IFT80: variants seen among roughly 807,000 people sequenced by gnomAD.
IFT80 encodes intraflagellar transport protein 80 homolog.
IFT80 carries 79 observed loss-of-function variants against 107.9 expected under a neutral mutation model. The observed-to-expected ratio is 0.73, with a 90% CI of 0.61 to 0.88. The LOEUF (loss-of-function observed/expected upper bound fraction) is 0.88. Ranked by LOEUF, IFT80 falls within the 40% of genes least tolerant of loss-of-function variation. IFT80 has a pLI of 0.00. For missense variants in IFT80, 797 were observed against 914.2 expected (o/e 0.87, Z 1.65); for synonymous variants, 299 against 300.9 (o/e 0.99, Z 0.07).
intron 1 of IFT80, among the ~76,000 whole-genome samples, chr3:160,387,234 G>A (rs1451002070): frequency 2.0e-5 from 3 of 152,220 alleles, no homozygotes; most frequent in East Asian, 1.9e-4. Flanking sequence ...GGCCGGGTGC[G>A]GTGGCTCACG....
chr3:160,338,288 C>T, intron 8 of IFT80, among the ~76,000 whole-genome samples: 1 of 152,150 alleles, frequency 6.6e-6, no homozygotes, highest in Non-Finnish European at 1.5e-5. Context: ...CCCCCATTGG[C>T]CTGGCACCAA....
intron 5 of IFT80, 29 bp from the exon 6 acceptor site, chr3:160,366,181 G>C (rs1003995667): frequency 8.1e-6 from 12 of 1,473,822 alleles, no homozygotes; most frequent in South Asian, 1.1e-5. Flanking sequence ...AAAAAAAAAG[G>C]CTGATAAACT....
At chr3:160,285,973 G>T (rs1362736226) in intron 12 of IFT80, 105 bp from the exon 13 acceptor site, 1 of 753,446 alleles carries the variant, frequency 1.3e-6, no homozygotes, top group African/African-American at 1.8e-5. Context: ...TAACTCTCTA[G>T]ACCACAGAGA....
intron 6 of IFT80, among the ~76,000 whole-genome samples, chr3:160,359,139 A>G (rs1327494710): frequency 6.6e-6 from 1 of 152,196 alleles, no homozygotes; most frequent in Non-Finnish European, 1.5e-5. Context: ...CAGCTGCTTT[A>G]GTCTCCCAAA....
chr3:160,388,412 C>T lies in IFT80; in HGVS notation c.-46-3766G>A, dbSNP rs545068696. Among the ~76,000 whole-genome samples the T allele has an allele frequency of 4.6e-5, 7 of 151,600 alleles. No individual in the cohort carries two copies. In the East Asian group the frequency reaches 1.4e-3, roughly 29 times the overall value. On this transcript the variant is annotated intron_variant, in intron 1 of 19. Transcript: ENST00000326448. ...AAGAAAAGTACAGAAAAATATCCCTCAGGAGCAAAAATGTGGAAAGCCTTA... is the reference window on the plus strand; with the variant it reads ...AAGAAAAGTACAGAAAAATATCCCTTAGGAGCAAAAATGTGGAAAGCCTTA...
At chr3:160,292,535 AGTGGCG>A (rs1347118547) in intron 12 of IFT80, among the ~76,000 whole-genome samples, 1 of 138,886 alleles carries the variant, frequency 7.2e-6, no homozygotes, top group Non-Finnish European at 1.5e-5. Flanking sequence ...GCTGGAGTGC[AGTGGCG>A]CGATCTCAGC....
intron 18 of IFT80, among the ~76,000 whole-genome samples, chr3:160,269,893 C>G (rs1238219723): frequency 1.3e-5 from 2 of 152,208 alleles, no homozygotes; most frequent in African/African-American, 4.8e-5. Flanking sequence ...TTTATCAGAG[C>G]CAACTATTAT....
intron 18 of IFT80, among the ~76,000 whole-genome samples, chr3:160,270,329 A>C (rs1713700173): frequency 6.6e-6 from 1 of 152,212 alleles, no homozygotes; most frequent in South Asian, 2.1e-4. Context: ...ATCAAACTAA[A>C]TAGTCACTTT....
intron 6 of IFT80, among the ~76,000 whole-genome samples, chr3:160,365,834 A>C (rs1721824723): frequency 6.6e-6 from 1 of 152,116 alleles, no homozygotes; most frequent in Non-Finnish European, 1.5e-5. Context: ...ATGCTGTATC[A>C]TTATCAAAAT....
In IFT80 at chr3:160,288,905, C is replaced by T. The variant is rs1025328659; in HGVS notation, c.1316-3037G>A. On this transcript the variant is annotated intron_variant, in intron 12 of 19. Coordinates refer to ENST00000326448, the MANE Select transcript of IFT80 (RefSeq NM_020800.3). ...ATTGTGGAGAGGAGTGTGGCAATTC[C>T]TGAAAGAGCTAAAAACAGAACTACC... Among the ~76,000 whole-genome samples the T allele has an allele frequency of 2.0e-5, 3 of 152,212 alleles. No homozygotes were observed. In the South Asian group the frequency reaches 6.2e-4, roughly 32 times the overall value.
chr3:160,324,863 C>T (rs1451952371), intron 8 of IFT80, among the ~76,000 whole-genome samples: 279 of 151,962 alleles, frequency 1.8e-3, no homozygotes, highest in African/African-American at 6.5e-3. Context: ...GACGACATGA[C>T]TGTATATCTA....
At position 160,353,489 on chromosome 3, in the gene IFT80, A is replaced by G. The variant is rs183598791; in HGVS notation, c.777+2524T>C. On this transcript the variant is annotated intron_variant, in intron 8 of 19. Transcript: ENST00000326448. ...ACTTTAGTCCATCTATCTTTTCTGT[A>G]TTATCTCCTGGTATTATGCCATGAA... is the stretch of plus-strand genomic sequence containing the variant. 1.6e-3 allele frequency among the ~76,000 whole-genome samples: 239 copies of G among 152,312 alleles called. 1 individual carries two copies. The highest frequency in any genetic ancestry group is 5.2e-3 in the African/African-American group (216 of 41,572).
chr3:160,317,832 C>T lies in IFT80; in HGVS notation c.957+1928G>A, dbSNP rs573233022. ...GACAGAAAACAGAGATAGAAGGGGACTCTTCAGACCAAAAGAGACTTAAAA... is the reference window on the plus strand; with the variant it reads ...GACAGAAAACAGAGATAGAAGGGGATTCTTCAGACCAAAAGAGACTTAAAA... On this transcript the variant is annotated intron_variant, in intron 9 of 19. Transcript: ENST00000326448. Among the ~76,000 whole-genome samples, 128 of 152,100 alleles carry T rather than the reference C, an allele frequency of 8.4e-4. 1 individual carries two copies. In the South Asian group the frequency reaches 0.026, roughly 30 times the overall value.
intron 8 of IFT80, 142 bp from the exon 9 acceptor site, chr3:160,320,081 T>C (rs1718097550): frequency 4.6e-6 from 3 of 654,846 alleles, no homozygotes; most frequent in African/African-American, 3.6e-5. Flanking sequence ...AATAAAATTA[T>C]AGTGTACTGA....
At chr3:160,356,743 A>G (rs1270171379) in intron 7 of IFT80, among the ~76,000 whole-genome samples, 1 of 151,796 alleles carries the variant, frequency 6.6e-6, no homozygotes, top group Non-Finnish European at 1.5e-5. Context: ...CTATTCTCCA[A>G]CTCCTGGTCT....
At chr3:160,371,185 G>A (rs577295389) in intron 5 of IFT80, among the ~76,000 whole-genome samples, 6 of 152,162 alleles carry the variant, frequency 3.9e-5, no homozygotes, top group South Asian at 2.1e-4. Context: ...TAGGTCTCAC[G>A]GTCTTCTGTC....
At chr3:160,385,159 G>A (rs1384109787) in intron 1 of IFT80, among the ~76,000 whole-genome samples, 1 of 152,102 alleles carries the variant, frequency 6.6e-6, no homozygotes, top group African/African-American at 2.4e-5. Context: ...GTGACAATGT[G>A]AAAAATAGGT....
intron 18 of IFT80, 165 bp from the exon 19 acceptor site, chr3:160,268,701 C>T (rs1713552014): frequency 3.2e-6 from 2 of 631,986 alleles, no homozygotes; most frequent in Non-Finnish European, 5.6e-6. Context: ...TACTTATATA[C>T]TTCAGGGCCC....
At chr3:160,288,704 T>C (rs1240871541) in intron 12 of IFT80, among the ~76,000 whole-genome samples, 2 of 152,092 alleles carry the variant, frequency 1.3e-5, no homozygotes, top group African/African-American at 4.8e-5. Flanking sequence ...GATATACATG[T>C]GGCCAACAAA....
Sources: gnomAD v4.1 joint callset for allele counts (sites outside exome capture counted in the v4.1 genomes callset) on GRCh38, gnomAD v4.1.1 for gene constraint, MANE v1.5 for transcripts, NCBI Gene and HGNC (gene_info 2026-07-23, HGNC 2026-07-21) for gene names.